Variants in SHTN1 observed in about 807,000 individuals in gnomAD.
SHTN1 encodes shootin 1, also known as shootin-1.
Under a neutral mutation model 83.1 loss-of-function variants are expected in SHTN1, and 42 were observed. The ratio of observed to expected loss-of-function variants is 0.51; its 90% confidence interval spans 0.39 to 0.65. The LOEUF (loss-of-function observed/expected upper bound fraction) is 0.65, where lower values mean the gene tolerates loss of function less well. Ranked by LOEUF, SHTN1 falls within the 30% of genes least tolerant of loss-of-function variation. The pLI, the probability that SHTN1 is intolerant of heterozygous loss-of-function variation, is 0.00. For synonymous variants in SHTN1, 224 were observed against 247.7 expected (o/e 0.90, Z 0.90); for missense variants, 622 against 737.8 (o/e 0.84, Z 1.82).
At chr10:116,927,961 A>G (rs946300405) in intron 10 of SHTN1, 70 bp from the exon 11 acceptor site, 3 of 1,543,134 alleles carry the variant, frequency 1.9e-6, no homozygotes, top group Non-Finnish European at 2.6e-6. Flanking sequence ...CATGTGAAAA[A>G]AAGAACATAA....
rs560599459 is a variant in SHTN1 at position 117,083,833 on chromosome 10, G to A, written c.-188-35323C>T. Among the ~76,000 whole-genome samples the A allele has an allele frequency of 1.8e-4, 27 of 151,806 alleles. No individual in the cohort carries two copies. The East Asian group carries it at 4.5e-3, about 25-fold the overall frequency. ...CTGATACCCTTTCTTCCAGTTGATC[G>A]CATCGGCTCCTGAGGCTTCTGCATT... On this transcript the variant is annotated intron_variant, in intron 1 of 17. Transcript: ENST00000392901.
chr10:117,061,958 T>C (rs1394811786), intron 1 of SHTN1, among the ~76,000 whole-genome samples: 1 of 152,198 alleles, frequency 6.6e-6, no homozygotes, highest in African/African-American at 2.4e-5. Flanking sequence ...TGGCATTTCA[T>C]GGGTTTGCTT....
intron 2 of SHTN1, among the ~76,000 whole-genome samples, chr10:117,025,503 C>CTGAACTGG (rs1852322192): frequency 6.6e-6 from 1 of 152,156 alleles, no homozygotes; most frequent in African/African-American, 2.4e-5. Flanking sequence ...AGTCCTAGTG[C>CTGAACTGG]TGAACTGGGC....
intron 8 of SHTN1, 94 bp downstream of exon 8, chr10:116,944,830 G>C: frequency 2.6e-6 from 2 of 762,846 alleles, no homozygotes; most frequent in African/African-American, 1.7e-5. Flanking sequence ...GTCGGAGGTT[G>C]CAGTGAGCCG....
At chr10:117,121,027 C>T (rs770661163) in intron 1 of SHTN1, among the ~76,000 whole-genome samples, 1 of 152,092 alleles carries the variant, frequency 6.6e-6, no homozygotes, top group African/African-American at 2.4e-5. Flanking sequence ...CTAAGCTGGT[C>T]TCAACTTCCT....
chr10:117,094,962 G>A (rs1853484770), intron 1 of SHTN1, among the ~76,000 whole-genome samples: 1 of 152,202 alleles, frequency 6.6e-6, no homozygotes, highest in Non-Finnish European at 1.5e-5. Flanking sequence ...GCTGACATCG[G>A]AGACAATTAG....
At chr10:116,944,314 A>T (rs955804911) in intron 8 of SHTN1, among the ~76,000 whole-genome samples, 3 of 152,060 alleles carry the variant, frequency 2.0e-5, no homozygotes, top group Non-Finnish European at 4.4e-5. Context: ...CACTTTTTTT[A>T]AATTTTGCCA....
chr10:117,061,135 C>CTTTTTTTTTTTTTTTTTTTTTTT (rs5788206), intron 1 of SHTN1, among the ~76,000 whole-genome samples: 2 of 127,264 alleles, frequency 1.6e-5, no homozygotes, highest in Non-Finnish European at 3.4e-5. Flanking sequence ...AAGCTTTAGT[C>CTTTTTTTTTTTTTTTTTTTTTTT]TTTTTTTTTT....
rs1722316030 is a variant in SHTN1, at chr10:117,039,632, T to G, written c.-123+8813A>C. 2.6e-5 allele frequency among the ~76,000 whole-genome samples: 4 copies of G among 151,902 alleles called. 1 individual carries two copies. In the South Asian group the frequency reaches 8.3e-4, roughly 32 times the overall value. On this transcript the variant is annotated intron_variant, in intron 2 of 17. Coordinates refer to the SHTN1 transcript ENST00000392901. Reference sequence around the variant, plus strand: ...CACTTTGGGAGGCTGAGGGGGCAGATCACGAGGTCAGGAGATCAAGACCAT... The same window carrying G: ...CACTTTGGGAGGCTGAGGGGGCAGAGCACGAGGTCAGGAGATCAAGACCAT...
intron 1 of SHTN1, among the ~76,000 whole-genome samples, chr10:116,980,119 C>T (rs1379581334): frequency 6.6e-6 from 1 of 151,648 alleles, no homozygotes; most frequent in Non-Finnish European, 1.5e-5. Flanking sequence ...AATCAAAGCA[C>T]CATTTTTAGG....
chr10:116,980,687 T>G (rs1850983622), intron 1 of SHTN1, among the ~76,000 whole-genome samples: 1 of 151,932 alleles, frequency 6.6e-6, no homozygotes, highest in African/African-American at 2.4e-5. Context: ...GATAATCTGG[T>G]CCTTAATTCC....
At chr10:116,939,552 G>C (rs571886739) in intron 9 of SHTN1, among the ~76,000 whole-genome samples, 1 of 152,138 alleles carries the variant, frequency 6.6e-6, no homozygotes, top group Non-Finnish European at 1.5e-5. Flanking sequence ...GAAATCACCC[G>C]CCTTCTGCGT....
chr10:116,942,045 A>G (rs1209675093), intron 8 of SHTN1, among the ~76,000 whole-genome samples: 2 of 152,212 alleles, frequency 1.3e-5, no homozygotes, highest in Non-Finnish European at 2.9e-5. Context: ...TGAGAGGTAT[A>G]GAGACTGCAG....
chr10:116,885,150 A>G lies in SHTN1; in HGVS notation c.*1194T>C, dbSNP rs989829581. On this transcript the variant is annotated 3_prime_UTR_variant, in exon 17 of 17. Coordinates refer to ENST00000355371, the MANE Select transcript of SHTN1 (RefSeq NM_001127211.3). Reference sequence around the variant, plus strand: ...ACAATACAATACAACTACTGCAATTATTACTATCATTTTCTTTTGCCCTTA... The same window carrying G: ...ACAATACAATACAACTACTGCAATTGTTACTATCATTTTCTTTTGCCCTTA... The G allele has an allele frequency of 1.3e-5, 2 of 152,664 alleles. No homozygotes were observed. The highest frequency in any genetic ancestry group is 2.1e-4 in the South Asian group (1 of 4,830). The allele number at this position is 152,664 out of a possible 1,614,324, so 9.5% of individuals were successfully genotyped here. A position where few individuals can be genotyped will look rare whatever the true frequency, so the allele number is the denominator to read the frequency against.
At chr10:117,020,798 A>G (rs1356571948) in intron 2 of SHTN1, among the ~76,000 whole-genome samples, 2 of 152,300 alleles carry the variant, frequency 1.3e-5, no homozygotes, top group East Asian at 3.9e-4. Context: ...AAATTTTACA[A>G]AATGATAAAT....
intron 1 of SHTN1, among the ~76,000 whole-genome samples, chr10:117,100,528 G>T (rs1564959397): frequency 6.6e-6 from 1 of 152,042 alleles, no homozygotes; most frequent in East Asian, 1.9e-4. Context: ...ATTTTTTAAT[G>T]TTTTTTTAAG....
chr10:116,919,714 A>G (rs916467470), intron 12 of SHTN1, among the ~76,000 whole-genome samples: 1 of 152,222 alleles, frequency 6.6e-6, no homozygotes, highest in Non-Finnish European at 1.5e-5. Flanking sequence ...CCAGTAACCA[A>G]AGAGCAGGGC....
At chr10:117,057,458 AC>A (rs1378704365) in intron 1 of SHTN1, among the ~76,000 whole-genome samples, 5 of 152,160 alleles carry the variant, frequency 3.3e-5, no homozygotes, top group African/African-American at 1.2e-4. Context: ...TGCAGACAAC[AC>A]AGAGATAGGC....
intron 2 of SHTN1, among the ~76,000 whole-genome samples, chr10:117,029,998 C>T (rs1042650865): frequency 2.0e-5 from 3 of 151,656 alleles, no homozygotes; most frequent in African/African-American, 4.9e-5. Context: ...AAGCTATTCT[C>T]CTGTCTCAGC....
Sources: allele counts gnomAD v4.1 joint callset (sites outside exome capture counted in the v4.1 genomes callset), GRCh38; gene constraint gnomAD v4.1.1; transcripts MANE v1.5; gene names NCBI Gene and HGNC (gene_info 2026-07-23, HGNC 2026-07-21).